CHRNA7: variants seen among roughly 807,000 people sequenced by gnomAD.
CHRNA7 encodes the protein neuronal acetylcholine receptor subunit alpha-7.
Under a neutral mutation model 48.0 loss-of-function variants are expected in CHRNA7, and 17 were observed. The observed-to-expected ratio is 0.35, with a 90% CI of 0.24 to 0.53. The LOEUF (loss-of-function observed/expected upper bound fraction) is 0.53. CHRNA7 is among the 20% of genes least tolerant of loss of function. The pLI is 0.92. For synonymous variants in CHRNA7, 75 were observed against 242.3 expected (o/e 0.31, Z 6.41); for missense variants, 155 against 577.7 (o/e 0.27, Z 7.50).
intron 4 of CHRNA7, among the ~76,000 whole-genome samples, chr15:32,137,055 A>AAAAAAAAAAAC: frequency 6.7e-6 from 1 of 150,098 alleles, no homozygotes; most frequent in South Asian, 2.1e-4. Flanking sequence ...AAGAAAAAAA[A>AAAAAAAAAAAC]AAGAAAACAG....
intron 2 of CHRNA7, among the ~76,000 whole-genome samples, chr15:32,079,064 C>T (rs1217974016): frequency 2.6e-5 from 4 of 152,124 alleles, no homozygotes; most frequent in African/African-American, 4.8e-5. Flanking sequence ...TTCATTATCT[C>T]GATAAATGCA....
chr15:32,051,483 G>A (rs186501643), intron 2 of CHRNA7, among the ~76,000 whole-genome samples: 11 of 152,312 alleles, frequency 7.2e-5, no homozygotes, highest in East Asian at 3.9e-4. Flanking sequence ...CTGGTGTGCC[G>A]TTTCCGAAGC....
chr15:32,109,369 T>C (rs540249273), intron 3 of CHRNA7, among the ~76,000 whole-genome samples: 1 of 152,336 alleles, frequency 6.6e-6, no homozygotes, highest in East Asian at 1.9e-4. Context: ...CAACCTGTTT[T>C]ATCAGCAAGG....
At chr15:32,080,570 A>G (rs2050200334) in intron 2 of CHRNA7, among the ~76,000 whole-genome samples, 1 of 152,230 alleles carries the variant, frequency 6.6e-6, no homozygotes, top group South Asian at 2.1e-4. Flanking sequence ...CATTAGAGAA[A>G]TGCAAGTCAA....
At chr15:32,040,986 T>G (rs2049438134) in intron 2 of CHRNA7, among the ~76,000 whole-genome samples, 1 of 152,194 alleles carries the variant, frequency 6.6e-6, no homozygotes, top group African/African-American at 2.4e-5. Context: ...ACTCTACTCT[T>G]TTTGCTTGCA....
chr15:32,064,041 G>A (rs1033871339), intron 2 of CHRNA7, among the ~76,000 whole-genome samples: 2 of 152,162 alleles, frequency 1.3e-5, no homozygotes, highest in African/African-American at 4.8e-5. Context: ...GTGTGGCTAG[G>A]AATAAGTTGA....
Position 32,084,833 on chromosome 15 carries a change from CTTT to C in CHRNA7, c.196-16456_196-16454del, listed in dbSNP as rs56806689. Among the ~76,000 whole-genome samples, 727 of 139,244 alleles carry C rather than the reference CTTT, an allele frequency of 5.2e-3. 5 individuals are homozygous for C. The highest frequency in any genetic ancestry group is 0.014 in the African/African-American group (519 of 38,320). 91.3% of individuals were successfully genotyped at this position (139,244 alleles called of 152,430 possible). ...TATGCTCATCGGCTGACCTCTGACT[CTTT>C]TTTTTTTTTTTTTGAGACGGAATTC... On this transcript the variant is annotated intron_variant, in intron 2 of 9. Coordinates refer to ENST00000306901, the MANE Select transcript of CHRNA7 (RefSeq NM_000746.6).
rs368967841 is a variant in CHRNA7, at chr15:32,092,722, C to G, written c.196-8581C>G. ...AAATATCAAATAACAAAAACAAAAC[C>G]AAGAAAAATAAATGACTGCTTCTAA... On this transcript the variant is annotated intron_variant, in intron 2 of 9. Coordinates refer to ENST00000306901, the MANE Select transcript of CHRNA7 (RefSeq NM_000746.6). Among the ~76,000 whole-genome samples the G allele has an allele frequency of 3.9e-4, 59 of 152,056 alleles. No individual in the cohort carries two copies. In the South Asian group the frequency reaches 0.012, roughly 30 times the overall value.
chr15:32,041,441 T>C (rs914512509), intron 2 of CHRNA7, among the ~76,000 whole-genome samples: 1 of 152,218 alleles, frequency 6.6e-6, no homozygotes, highest in African/African-American at 2.4e-5. Context: ...ACAATAGGGT[T>C]TGTGTTCCTG....
chr15:32,034,726 TATAG>T (rs1213040178), intron 2 of CHRNA7, among the ~76,000 whole-genome samples: 1 of 152,150 alleles, frequency 6.6e-6, no homozygotes. Context: ...AAGTATAAAT[TATAG>T]ATTGGAGTGA....
intron 2 of CHRNA7, among the ~76,000 whole-genome samples, chr15:32,057,026 A>C (rs2049798954): frequency 2.0e-5 from 3 of 152,200 alleles, no homozygotes; most frequent in African/African-American, 7.2e-5. Flanking sequence ...CAAATTAGAT[A>C]ATCTGATTGG....
At chr15:32,098,608 G>A (rs1216318032) in intron 2 of CHRNA7, 1 of 152,488 alleles carries the variant, frequency 6.6e-6, no homozygotes, top group African/African-American at 2.4e-5. Flanking sequence ...GGAACCGAGG[G>A]ATAAAGGCTC....
At chr15:32,057,621 G>C (rs2049808680) in intron 2 of CHRNA7, among the ~76,000 whole-genome samples, 1 of 152,134 alleles carries the variant, frequency 6.6e-6, no homozygotes, top group Non-Finnish European at 1.5e-5. Context: ...TTCTTGCAGA[G>C]TTTTCCTTTA....
At chr15:32,104,998 A>G (rs1300075624) in intron 3 of CHRNA7, among the ~76,000 whole-genome samples, 1 of 152,340 alleles carries the variant, frequency 6.6e-6, no homozygotes, top group Admixed American at 6.5e-5. Flanking sequence ...TATTTAAAGG[A>G]TGGTGGTTTC....
chr15:32,124,812 G>A (rs2051036563), intron 4 of CHRNA7, among the ~76,000 whole-genome samples: 1 of 152,140 alleles, frequency 6.6e-6, no homozygotes, highest in Non-Finnish European at 1.5e-5. Flanking sequence ...TTCATGAATG[G>A]GATTAGTGTC....
At chr15:32,061,574 G>A (rs554019696) in intron 2 of CHRNA7, among the ~76,000 whole-genome samples, 6 of 152,156 alleles carry the variant, frequency 3.9e-5, no homozygotes, top group East Asian at 1.9e-4. Context: ...TTGGGAGGCC[G>A]AGGGGGGTGA....
intron 2 of CHRNA7, among the ~76,000 whole-genome samples, chr15:32,095,582 A>G (rs2050455275): frequency 6.6e-6 from 1 of 151,994 alleles, no homozygotes; most frequent in African/African-American, 2.4e-5. Flanking sequence ...AGACATCTGG[A>G]CTCTCTGACC....
intron 2 of CHRNA7, among the ~76,000 whole-genome samples, chr15:32,045,923 G>GT (rs1488528894): frequency 6.7e-6 from 1 of 149,070 alleles, no homozygotes; most frequent in Non-Finnish European, 1.5e-5. Context: ...GTGGTGTTTG[G>GT]TTTTTTGTCC....
chr15:32,052,265 G>A (rs1465560794), intron 2 of CHRNA7, among the ~76,000 whole-genome samples: 1 of 150,042 alleles, frequency 6.7e-6, no homozygotes, highest in Non-Finnish European at 1.5e-5. Flanking sequence ...GAACCACCTA[G>A]TTGATCATCA....
Sources: allele counts gnomAD v4.1 joint callset (sites outside exome capture counted in the v4.1 genomes callset), GRCh38; gene constraint gnomAD v4.1.1; transcripts MANE v1.5; gene names NCBI Gene and HGNC (gene_info 2026-07-23, HGNC 2026-07-21).